The following PRDM9 variants were observed in gnomAD, a reference collection of about 807,000 sequenced individuals.
The protein encoded by PRDM9 is histone-lysine N-methyltransferase PRDM9.
A neutral mutation model predicts 55.6 loss-of-function variants in PRDM9; 47 were observed. That is an observed-to-expected ratio of 0.85 (90% CI 0.67 to 1.08). PRDM9 has a LOEUF of 1.08. Ranked by LOEUF, PRDM9 falls within the 50% of genes least tolerant of loss-of-function variation. PRDM9 has a pLI of 0.00. For missense variants in PRDM9, 867 were observed against 1,040.3 expected (o/e 0.83, Z 2.29); for synonymous variants, 312 against 375.7 (o/e 0.83, Z 1.96).
At chr5:23,508,231 A>G (rs936187312) in intron 1 of PRDM9, among the ~76,000 whole-genome samples, 1 of 152,050 alleles carries the variant, frequency 6.6e-6, no homozygotes, top group African/African-American at 2.4e-5. Flanking sequence ...CCTTAACCTG[A>G]TGAATCTCAA....
intron 9 of PRDM9, among the ~76,000 whole-genome samples, chr5:23,523,867 A>G (rs1561021357): frequency 6.6e-6 from 1 of 152,194 alleles, no homozygotes; most frequent in Non-Finnish European, 1.5e-5. Flanking sequence ...AGTCAGGTGA[A>G]TGGCACCTGA....
At chr5:23,517,662 T>C (rs1739240576) in intron 4 of PRDM9, among the ~76,000 whole-genome samples, 1 of 152,120 alleles carries the variant, frequency 6.6e-6, no homozygotes, top group African/African-American at 2.4e-5. Flanking sequence ...GGCGTACACC[T>C]GTAGTTCCCA....
At chr5:23,515,671 A>G (rs1473257497) in intron 4 of PRDM9, among the ~76,000 whole-genome samples, 1 of 152,138 alleles carries the variant, frequency 6.6e-6, no homozygotes, top group Admixed American at 6.5e-5. Flanking sequence ...TCTTTAATCT[A>G]TTTTGAGTTA....
At chr5:23,516,518 G>C (rs1171739720) in intron 4 of PRDM9, among the ~76,000 whole-genome samples, 1 of 150,910 alleles carries the variant, frequency 6.6e-6, no homozygotes, top group South Asian at 2.1e-4. Context: ...GACTACAGGC[G>C]CCCGCCACCA....
rs747513493 is a variant in PRDM9 at position 23,522,718 on chromosome 5, G to T, written c.715G>T (p.Ala239Ser). 1.1e-5 allele frequency: 17 copies of T among 1,614,228 alleles called. No homozygotes were observed. Among genetic ancestry groups the T allele is most frequent in the East Asian group, 2.2e-5 (1 of 44,862 alleles). Residue 239 changes from alanine to serine, a missense_variant, in exon 8 of 11, where the codon GCC becomes TCC. This residue lies in a region of PRDM9 where 662 missense variants were observed against 711.9 expected (regional missense o/e 0.93). Transcript: ENST00000296682. ...AVDKGHPNRS[A>S]LSLPPGLRIG... ...GGACAAGGGGCACCCCAACCGTTCAGCCCTCAGTCTGCCCCCAGGGCTGAG... is the reference window on the plus strand; with the variant it reads ...GGACAAGGGGCACCCCAACCGTTCATCCCTCAGTCTGCCCCCAGGGCTGAG...
At position 23,509,573 on chromosome 5, in the gene PRDM9, A is replaced by G. The variant is rs777201978; in HGVS notation, c.173A>G (p.Tyr58Cys). 81 of 1,614,110 alleles carry G rather than the reference A, an allele frequency of 5.0e-5. No homozygotes were observed. The highest frequency in any genetic ancestry group is 3.7e-4 in the Admixed American group (22 of 60,006). The change falls in exon 3 of 11, where the codon TAT becomes TGT. Residue 58 changes from tyrosine to cysteine, a missense_variant. Physicochemically the swap from Tyr to Cys is radical, Grantham distance 194. This residue lies in a region of PRDM9 where 662 missense variants were observed against 711.9 expected (regional missense o/e 0.93). Coordinates refer to ENST00000296682, the MANE Select transcript of PRDM9 (RefSeq NM_020227.4). Reference protein sequence around the residue: ...KTRYRNVKRNYNALITIGLRA... With the variant: ...KTRYRNVKRNCNALITIGLRA... ...CGCTATAGGAATGTGAAAAGGAACT[A>G]TAATGCACTGATTACTATAGGTAAC...
chr5:23,507,209 G>T (rs1482978993), upstream of PRDM9: 1 of 152,408 alleles, frequency 6.6e-6, no homozygotes, highest in Non-Finnish European at 1.5e-5. Flanking sequence ...ATCAGTGCAA[G>T]AACTCTGGCA....
chr5:23,508,982 G>T lies in PRDM9; in HGVS notation c.-52G>T. On this transcript the variant is annotated 5_prime_UTR_variant, in exon 2 of 11. Transcript: ENST00000296682. ...TGGCCTAGGAGCTGGGAGACTCAGGGCCCTTCTCACACTCAGAATTGGAGC... is the reference window on the plus strand; with the variant it reads ...TGGCCTAGGAGCTGGGAGACTCAGGTCCCTTCTCACACTCAGAATTGGAGC... The T allele has an allele frequency of 6.2e-7, 1 of 1,603,716 alleles. No homozygotes were observed. The highest frequency in any genetic ancestry group is 8.5e-7 in the Non-Finnish European group (1 of 1,172,092).
Position 23,524,516 on chromosome 5 carries a change from T to G in PRDM9, c.1133T>G (p.Met378Arg). ...GGCAGCAAGTGGAAGAAAGAGCTCA[T>G]GGCAGGGAGAGGTAGGCATCACTAT... ...KWGSKWKKEL[M>R]AGREPKPEIH... The change falls in exon 10 of 11, where the codon ATG becomes AGG. Residue 378 changes from methionine to arginine, a missense_variant. Transcript: ENST00000296682. 6.2e-7 allele frequency: 1 copy of G among 1,613,898 alleles called. No individual in the cohort carries two copies. The highest frequency in any genetic ancestry group is 8.5e-7 in the Non-Finnish European group (1 of 1,179,854).
chr5:23,522,761 T>A lies in PRDM9; in HGVS notation c.758T>A (p.Ile253Asn), dbSNP rs1312783731. 6.2e-7 allele frequency: 1 copy of A among 1,614,096 alleles called. No individual in the cohort carries two copies. Among genetic ancestry groups the A allele is most frequent in the Non-Finnish European group, 8.5e-7 (1 of 1,180,042 alleles). The change falls in exon 8 of 11, where the codon ATC becomes AAC. Residue 253 changes from isoleucine (I) to asparagine (N), a missense_variant. Physicochemically the swap from Ile to Asn is moderately radical, Grantham distance 149. Coordinates refer to ENST00000296682, the MANE Select transcript of PRDM9 (RefSeq NM_020227.4). The stretch of plus-strand genomic sequence containing the variant: ...GGGCTGAGAATTGGGCCATCAGGCA[T>A]CCCTCAGGCTGGGCTTGGAGTATGG... ...PPGLRIGPSG[I>N]PQAGLGVWNE...
intron 4 of PRDM9, among the ~76,000 whole-genome samples, chr5:23,516,378 A>T (rs1170950042): frequency 6.6e-6 from 1 of 152,008 alleles, no homozygotes; most frequent in Admixed American, 6.6e-5. Context: ...TTCATGTATT[A>T]TTATTATTTT....
chr5:23,514,451 A>G (rs1251703110), intron 4 of PRDM9, among the ~76,000 whole-genome samples: 1 of 151,870 alleles, frequency 6.6e-6, no homozygotes, highest in Non-Finnish European at 1.5e-5. Context: ...AATATCTACT[A>G]GAAGATTTTT....
chr5:23,523,801 T>C (rs558869870), intron 9 of PRDM9, among the ~76,000 whole-genome samples: 1 of 152,170 alleles, frequency 6.6e-6, no homozygotes, highest in African/African-American at 2.4e-5. Flanking sequence ...CTATTACTGT[T>C]CTATGTTATT....
rs753616096 is a variant in PRDM9 at position 23,510,039 on chromosome 5, G to A, written c.301+12G>A. On this transcript the variant is annotated intron_variant, in intron 4 of 10. Transcript: ENST00000296682. The stretch of plus-strand genomic sequence containing the variant: ...CCCTAGGCAGCAAGGTAAGAGGGAA[G>A]GGAAGTAGGATTTTTTTTTTTTTTT... 3.2e-6 allele frequency: 5 copies of A among 1,553,658 alleles called. No homozygotes were observed. Among genetic ancestry groups the A allele is most frequent in the Non-Finnish European group, 4.4e-6 (5 of 1,129,594 alleles).
intron 6 of PRDM9, among the ~76,000 whole-genome samples, chr5:23,521,669 A>G (rs1739330858): frequency 6.6e-6 from 1 of 152,220 alleles, no homozygotes; most frequent in South Asian, 2.1e-4. Context: ...ATGTAAGAAC[A>G]TTAACTTTGA....
chr5:23,522,586 T>C, intron 7 of PRDM9, 28 bp from the exon 8 acceptor site: 1 of 1,614,078 alleles, frequency 6.2e-7, no homozygotes, highest in East Asian at 2.2e-5. Flanking sequence ...ATTACAACTT[T>C]CCTAATCTCT....
intron 5 of PRDM9, 21 bp downstream of exon 5, chr5:23,517,951 A>T: frequency 6.4e-7 from 1 of 1,564,596 alleles, no homozygotes. Context: ...CCCAAATCCT[A>T]TTGACAAGAA....
chr5:23,509,429 T>C (rs745785368), intron 2 of PRDM9, 41 bp from the exon 3 acceptor site: 1 of 1,614,050 alleles, frequency 6.2e-7, no homozygotes, highest in Non-Finnish European at 8.5e-7. Context: ...CAGCTTGATG[T>C]GTACTAGTAA....
intron 4 of PRDM9, among the ~76,000 whole-genome samples, chr5:23,512,787 C>G (rs535150796): frequency 2.0e-5 from 3 of 152,134 alleles, no homozygotes; most frequent in Admixed American, 2.0e-4. Flanking sequence ...CCATTTCCTC[C>G]TCCCTGCAGC....
Sources: allele counts gnomAD v4.1 joint callset (sites outside exome capture counted in the v4.1 genomes callset), GRCh38; gene constraint gnomAD v4.1.1; regional missense constraint gnomAD v4.1.1; transcripts MANE v1.5; gene names NCBI Gene and HGNC (gene_info 2026-07-23, HGNC 2026-07-21).